Variants in COX4I1 observed in about 807,000 individuals in gnomAD.
COX4I1 encodes the protein cytochrome c oxidase subunit 4 isoform 1, mitochondrial.
In COX4I1, 18 loss-of-function variants were observed where a neutral mutation model predicts 21.7. The ratio of observed to expected loss-of-function variants is 0.83; its 90% CI spans 0.57 to 1.23. The LOEUF (loss-of-function observed/expected upper bound fraction) is 1.23, where lower values mean the gene tolerates loss of function less well. Among genes scored for constraint, COX4I1 ranks in the 50% most tolerant of loss-of-function variants. The pLI, the probability that COX4I1 is intolerant of heterozygous loss-of-function variation, is 0.00. For missense variants in COX4I1, 238 were observed against 220.7 expected (o/e 1.08, Z -0.50); for synonymous variants, 100 against 81.5 (o/e 1.23, Z -1.23).
chr16:85,799,695 C>T lies in COX4I1; in HGVS notation c.-59C>T, dbSNP rs996613465. The stretch of plus-strand genomic sequence containing the variant: ...TGGTGCTCCGCGGCGCGGCCTTGCT[C>T]TCTTCCGGTCGCGGGACACCGGGTG... On this transcript the variant is annotated 5_prime_UTR_variant, in exon 1 of 5. Coordinates refer to ENST00000253452, the MANE Select transcript of COX4I1 (RefSeq NM_001861.6). This position sits in a 1 kb window ranked among gnomAD's most constrained non-coding sequence, Gnocchi z 4.2. 2.4e-5 allele frequency: 4 copies of T among 167,532 alleles called. No individual in the cohort carries two copies. The highest frequency in any genetic ancestry group is 3.8e-5 in the Non-Finnish European group (3 of 78,830). 10.4% of individuals were successfully genotyped at this position (167,532 alleles called of 1,614,324 possible). A position where few individuals can be genotyped will look rare whatever the true frequency, so the allele number is the denominator to read the frequency against.
intron 4 of COX4I1, chr16:85,806,306 G>T (rs1906195432): frequency 1.6e-6 from 1 of 610,582 alleles, no homozygotes; most frequent in Non-Finnish European, 2.9e-6. Context: ...GCATTGCCGG[G>T]TTGCTCGCTC....
At chr16:85,804,687 C>T (rs113018222) in intron 2 of COX4I1, 4,732 of 376,482 alleles carry the variant, frequency 0.013, 219 homozygotes, top group African/African-American at 0.089. Context: ...GGAAGTGCTG[C>T]CTCTGGGCAC....
chr16:85,806,521 A>G (rs1332532750), intron 4 of COX4I1: 1 of 732,374 alleles, frequency 1.4e-6, no homozygotes, highest in Admixed American at 2.0e-5. Context: ...TTCTGCTTTT[A>G]GCTTATTTTG....
chr16:85,806,761 T>G lies in COX4I1; in HGVS notation c.397T>G (p.Phe133Val), dbSNP rs1906238855. ...HYVYGPLPQS[F>V]DKEWVAKQTK... ...AGTGTACGGCCCCCTCCCGCAAAGC[T>G]TTGACAAAGAGTGGGTGGCCAAGCA... is the stretch of plus-strand genomic sequence containing the variant. Residue 133 changes from phenylalanine (F) to valine (V), a missense_variant, in exon 5 of 5, where the codon TTT becomes GTT. Transcript: ENST00000253452. 1 of 1,614,076 alleles carries G rather than the reference T, an allele frequency of 6.2e-7. No homozygotes were observed. Among genetic ancestry groups the G allele is most frequent in the Non-Finnish European group, 8.5e-7 (1 of 1,180,016 alleles).
At chr16:85,801,312 G>A in intron 2 of COX4I1, 34 bp downstream of exon 2, 1 of 1,576,336 alleles carries the variant, frequency 6.3e-7, no homozygotes, top group South Asian at 1.1e-5. Flanking sequence ...TAAATAGGCT[G>A]AACTAATTTC....
intron 1 of COX4I1, among the ~76,000 whole-genome samples, 184 bp from the exon 2 acceptor site, chr16:85,801,021 C>G (rs767340269): frequency 1.3e-5 from 2 of 152,116 alleles, no homozygotes; most frequent in African/African-American, 4.8e-5. Context: ...TAAAAGCATG[C>G]CAATTACTAA....
At chr16:85,804,716 T>C (rs921197106) in intron 2 of COX4I1, 2 of 452,874 alleles carry the variant, frequency 4.4e-6, no homozygotes, top group South Asian at 5.6e-5. Flanking sequence ...CAGGGTTCAT[T>C]AGCAGTTGCC....
At chr16:85,802,926 C>T (rs1347276773) in intron 2 of COX4I1, 1 of 152,106 alleles carries the variant, frequency 6.6e-6, no homozygotes, top group Non-Finnish European at 1.5e-5. Context: ...AGCTTTTTCC[C>T]CCCAGTCTCC....
intron 4 of COX4I1, chr16:85,806,286 TTGTG>T: frequency 1.7e-6 from 1 of 602,876 alleles, no homozygotes; most frequent in Non-Finnish European, 2.9e-6. Flanking sequence ...ACCTGATAGT[TTGTG>T]TGTGGGCATT....
Position 85,807,038 on chromosome 16 carries a change from A to C in COX4I1, c.*164A>C, listed in dbSNP as rs567595889. The stretch of plus-strand genomic sequence containing the variant: ...TCAGTTCTTTAATGATACCTAAATG[A>C]AAGCTAATTAAAACAATAGGTTTCT... On this transcript the variant is annotated 3_prime_UTR_variant, in exon 5 of 5. Coordinates refer to ENST00000253452, the MANE Select transcript of COX4I1 (RefSeq NM_001861.6). 2.0e-5 allele frequency: 14 copies of C among 699,946 alleles called. No homozygotes were observed. The African/African-American group carries it at 2.5e-4, about 13-fold the overall frequency. 43.4% of individuals were successfully genotyped at this position (699,946 alleles called of 1,614,324 possible). A position where few individuals can be genotyped will look rare whatever the true frequency, so the allele number is the denominator to read the frequency against.
intron 2 of COX4I1, among the ~76,000 whole-genome samples, chr16:85,802,889 G>A (rs967586147): frequency 9.2e-5 from 14 of 152,196 alleles, no homozygotes; most frequent in African/African-American, 3.1e-4. Context: ...CATGCGCCAA[G>A]GTTTTGAGGG....
In COX4I1 at chr16:85,804,927, T is replaced by C. The variant is rs774735860; in HGVS notation, c.74-10T>C. ...TGGATTTTCAAAGATTTATTCAATA[T>C]GTTTTTCAGAAAGTGTTGTGAAGAG... is the stretch of plus-strand genomic sequence containing the variant. On this transcript the variant is annotated splice_polypyrimidine_tract_variant and intron_variant, in intron 2 of 4. Coordinates refer to ENST00000253452, the MANE Select transcript of COX4I1 (RefSeq NM_001861.6). 4 of 1,596,438 alleles carry C rather than the reference T, an allele frequency of 2.5e-6. No homozygotes were observed. The Admixed American group carries it at 7.1e-5, about 28-fold the overall frequency.
chr16:85,805,422 T>G, intron 3 of COX4I1: 1 of 526,514 alleles, frequency 1.9e-6, no homozygotes, highest in African/African-American at 1.9e-5. Context: ...GTGTTTGGTA[T>G]GAAAGGGGCA....
In COX4I1 at chr16:85,801,227, A is replaced by G; in HGVS notation, c.22A>G (p.Ser8Gly). The part of the protein sequence containing the change: MLATRVF[S>G]LVGKRAISTS... The stretch of plus-strand genomic sequence containing the variant: ...CAGAATGTTGGCTACCAGGGTATTT[A>G]GCCTAGTTGGCAAGCGAGCAATTTC... The change falls in exon 2 of 5, where the codon AGC (serine) becomes GGC (glycine). Residue 8 changes from serine to glycine, a missense_variant. Coordinates refer to ENST00000253452, the MANE Select transcript of COX4I1 (RefSeq NM_001861.6). 1 of 1,610,054 alleles carries G rather than the reference A, an allele frequency of 6.2e-7. No individual in the cohort carries two copies.
At chr16:85,804,891 C>G (rs1906047459) in intron 2 of COX4I1, 46 bp from the exon 3 acceptor site, 2 of 1,556,348 alleles carry the variant, frequency 1.3e-6, no homozygotes, top group African/African-American at 1.4e-5. Flanking sequence ...TGGGGTGACT[C>G]TCAACTTACA....
intron 4 of COX4I1, 50 bp from the exon 5 acceptor site, chr16:85,806,688 G>C (rs964508509): frequency 6.2e-7 from 1 of 1,613,744 alleles, no homozygotes; most frequent in Non-Finnish European, 8.5e-7. Context: ...GATTGGCCTA[G>C]AAACAACCTG....
Position 85,805,109 on chromosome 16 carries a change from G to A in COX4I1, c.241+5G>A, listed in dbSNP as rs1312588091. On this transcript the variant is annotated splice_donor_5th_base_variant and intron_variant, in intron 3 of 4. Coordinates refer to ENST00000253452, the MANE Select transcript of COX4I1 (RefSeq NM_001861.6). Reference sequence around the variant, plus strand: ...CCATGGATGAGAAAGTCGAGTGTGGGTATTGAAGGGACCCACAGGCGCGCC... The same window carrying A: ...CCATGGATGAGAAAGTCGAGTGTGGATATTGAAGGGACCCACAGGCGCGCC... 1.2e-6 allele frequency: 2 copies of A among 1,608,106 alleles called. No individual in the cohort carries two copies. The highest frequency in any genetic ancestry group is 1.7e-6 in the Non-Finnish European group (2 of 1,177,844).
chr16:85,805,229 G>C (rs1022323737), intron 3 of COX4I1, 125 bp downstream of exon 3: 23 of 987,886 alleles, frequency 2.3e-5, no homozygotes, highest in African/African-American at 1.3e-4. Context: ...TGCTCTGCTG[G>C]GTTTCGGGGT....
chr16:85,805,496 T>C, intron 3 of COX4I1: 1 of 594,954 alleles, frequency 1.7e-6, no homozygotes, highest in Non-Finnish European at 2.9e-6. Flanking sequence ...TTTTGCAGTT[T>C]TAATTTGCAC....
Sources: allele counts gnomAD v4.1 joint callset (sites outside exome capture counted in the v4.1 genomes callset), GRCh38; gene constraint gnomAD v4.1.1; non-coding constraint Gnocchi (gnomAD v3.1); transcripts MANE v1.5; gene names NCBI Gene and HGNC (gene_info 2026-07-23, HGNC 2026-07-21).